MAP4K1: variants seen among roughly 807,000 people sequenced by gnomAD.
MAP4K1 encodes the protein MAPK/ERK kinase kinase kinase 1.
MAP4K1 carries 35 observed loss-of-function variants against 122.8 expected under a neutral mutation model. That is an observed-to-expected ratio of 0.29 (90% confidence interval 0.22 to 0.38). MAP4K1 has a LOEUF of 0.38. MAP4K1 is among the 10% of genes least tolerant of loss of function. The pLI is 1.00. For missense variants in MAP4K1, 791 were observed against 1,072.6 expected (o/e 0.74, Z 3.67); for synonymous variants, 412 against 421.3 (o/e 0.98, Z 0.27).
chr19:38,592,462 C>G (rs979660460), intron 30 of MAP4K1: 4 of 151,918 alleles, frequency 2.6e-5, no homozygotes, highest in African/African-American at 4.8e-5. Context: ...GTAAACCCAG[C>G]TACTTGGGAG....
intron 13 of MAP4K1, among the ~76,000 whole-genome samples, chr19:38,609,319 G>T (rs1215406262): frequency 6.6e-6 from 1 of 152,084 alleles, no homozygotes; most frequent in Admixed American, 6.6e-5. Flanking sequence ...ATTTTTAGCA[G>T]AGACAGGGTT....
intron 4 of MAP4K1, 54 bp downstream of exon 4, chr19:38,616,141 G>GT (rs1568644365): frequency 1.4e-6 from 2 of 1,445,230 alleles, no homozygotes; most frequent in Non-Finnish European, 1.9e-6. Flanking sequence ...TTGGGTCGGG[G>GT]TTGGGGGGTG....
intron 25 of MAP4K1, 152 bp downstream of exon 25, chr19:38,596,882 A>G: frequency 1.4e-6 from 1 of 715,564 alleles, no homozygotes; most frequent in Non-Finnish European, 2.4e-6. Context: ...ACGAGGCTCC[A>G]AGCGCAGACC....
At chr19:38,610,539 C>A (rs1214311679) in intron 11 of MAP4K1, among the ~76,000 whole-genome samples, 1 of 151,958 alleles carries the variant, frequency 6.6e-6, no homozygotes, top group African/African-American at 2.4e-5. Context: ...GCGTGCGCCA[C>A]TATGCTCAGC....
intron 30 of MAP4K1, 53 bp from the exon 31 acceptor site, chr19:38,587,870 T>G (rs1416313721): frequency 7.3e-7 from 1 of 1,367,566 alleles, no homozygotes; most frequent in Non-Finnish European, 1.0e-6. Context: ...TGTTCATTGA[T>G]TCATTAATTC....
In MAP4K1 at chr19:38,617,615, T is replaced by C; in HGVS notation, c.110A>G (p.Lys37Arg). ...CAGTGCCACCAGGTCCCCTGACACCTTGTCTCGAGCCTTGCAAAGGGGAAG... is the reference window on the plus strand; with the variant it reads ...CAGTGCCACCAGGTCCCCTGACACCCTGTCTCGAGCCTTGCAAAGGGGAAG... The part of the protein sequence containing the change: ...TYGEVFKARD[K>R]VSGDLVALKM... Residue 37 changes from lysine (K) to arginine (R), a missense_variant, in exon 2 of 31, where the codon AAG becomes AGG. Transcript: ENST00000396857. This position sits in a 1 kb window ranked among gnomAD's most constrained non-coding sequence, Gnocchi z 4.1. 1 of 1,614,090 alleles carries C rather than the reference T, an allele frequency of 6.2e-7. No homozygotes were observed. The highest frequency in any genetic ancestry group is 8.5e-7 in the Non-Finnish European group (1 of 1,180,002).
Position 38,596,000 on chromosome 19 carries a change from C to T in MAP4K1, c.2118G>A (p.Glu706=). The T allele has an allele frequency of 6.2e-7, 1 of 1,613,928 alleles. No individual in the cohort carries two copies. The highest frequency in any genetic ancestry group is 8.5e-7 in the Non-Finnish European group (1 of 1,179,938). The stretch of plus-strand genomic sequence containing the variant: ...GGGTCACCTGCACGGGTCCCCTGTG[C>T]TCTGTTTGGGGGGAGTGGGTTAAGG... ...LSCWLGEMST[E]HRGPVQVTQV... is the part of the protein sequence containing the mutation. Residue 706 remains glutamate, a splice_region_variant and synonymous_variant, in exon 27 of 31, where the codon GAG becomes GAA. Coordinates refer to ENST00000396857, the MANE Select transcript of MAP4K1 (RefSeq NM_001042600.3).
At position 38,614,282 on chromosome 19, in the gene MAP4K1, T is replaced by C. The variant is rs776260644; in HGVS notation, c.380A>G (p.Tyr127Cys). The C allele has an allele frequency of 6.2e-7, 1 of 1,613,730 alleles. No individual in the cohort carries two copies. Among genetic ancestry groups the C allele is most frequent in the Non-Finnish European group, 8.5e-7 (1 of 1,179,922 alleles). ...VCREVLQGLAYLHSQKKIHRD... is the reference protein window; with the variant it reads ...VCREVLQGLACLHSQKKIHRD... Reference sequence around the variant, plus strand: ...GTGTATCTTCTTCTGTGAGTGCAAATAGGCCAGTCCCTGGGGAGAAGGGTG... The same window carrying C: ...GTGTATCTTCTTCTGTGAGTGCAAACAGGCCAGTCCCTGGGGAGAAGGGTG... Residue 127 changes from tyrosine to cysteine, a missense_variant, in exon 6 of 31, where the codon TAT becomes TGT. This residue lies in a region of MAP4K1 where 163 missense variants were observed against 286.1 expected (regional missense o/e 0.57). Transcript: ENST00000396857.
chr19:38,599,012 CAAAAAAA>C (rs944497385), intron 22 of MAP4K1, among the ~76,000 whole-genome samples: 1 of 38,000 alleles, frequency 2.6e-5, no homozygotes, highest in Non-Finnish European at 5.0e-5. Context: ...GAGTCTATCT[CAAAAAAA>C]AAAAAAAAAA....
intron 11 of MAP4K1, among the ~76,000 whole-genome samples, chr19:38,610,240 CTG>C (rs1975455146): frequency 6.6e-6 from 1 of 152,098 alleles, no homozygotes. Context: ...GAGTCTCACT[CTG>C]TCACCCAGGC....
intron 13 of MAP4K1, among the ~76,000 whole-genome samples, chr19:38,608,601 G>C (rs1349186113): frequency 6.6e-6 from 1 of 151,854 alleles, no homozygotes; most frequent in African/African-American, 2.4e-5. Flanking sequence ...TTCATGATCA[G>C]CCTGGTCAAC....
chr19:38,612,860 C>T, intron 8 of MAP4K1, 118 bp from the exon 9 acceptor site: 1 of 1,091,778 alleles, frequency 9.2e-7, no homozygotes, highest in Non-Finnish European at 1.3e-6. Flanking sequence ...GATGGAGAGA[C>T]AGAGGGACAG....
chr19:38,605,869 C>G (rs1229723724), intron 17 of MAP4K1, 139 bp from the exon 18 acceptor site: 4 of 793,768 alleles, frequency 5.0e-6, no homozygotes, highest in Non-Finnish European at 7.9e-6. Context: ...TCTTGTGCCC[C>G]CTCCAGCCTT....
At chr19:38,590,437 A>ATATATATATATATATAT (rs1168613832) in intron 30 of MAP4K1, among the ~76,000 whole-genome samples, 6 of 120,502 alleles carry the variant, frequency 5.0e-5, no homozygotes, top group African/African-American at 9.3e-5. Flanking sequence ...ATATATATAT[A>ATATATATATATATATAT]ATCACGGGCG....
intron 30 of MAP4K1, among the ~76,000 whole-genome samples, chr19:38,588,087 T>C (rs1599681239): frequency 6.6e-6 from 1 of 152,004 alleles, no homozygotes; most frequent in Non-Finnish European, 1.5e-5. Flanking sequence ...GAATGGATGG[T>C]GCAGCCTGAA....
At chr19:38,604,075 A>G (rs1481248633) in intron 19 of MAP4K1, among the ~76,000 whole-genome samples, 3 of 146,082 alleles carry the variant, frequency 2.1e-5, no homozygotes, top group Non-Finnish European at 4.5e-5. Flanking sequence ...GCAGTGAGCC[A>G]TGATCGCGCC....
At position 38,597,254 on chromosome 19, in the gene MAP4K1, T is replaced by G; in HGVS notation, c.1837+72A>C. On this transcript the variant is annotated intron_variant, in intron 24 of 30. Coordinates refer to ENST00000396857, the MANE Select transcript of MAP4K1 (RefSeq NM_001042600.3). This position sits in a 1 kb window ranked among gnomAD's most constrained non-coding sequence, Gnocchi z 4.6. ...GCCTTAACTCTGTAACCTTCTCAGG[T>G]GGATGCAGTTCAAGCCCCTCCTCTG... The G allele has an allele frequency of 6.2e-7, 1 of 1,602,324 alleles. No homozygotes were observed. The highest frequency in any genetic ancestry group is 8.5e-7 in the Non-Finnish European group (1 of 1,170,112).
intron 19 of MAP4K1, among the ~76,000 whole-genome samples, chr19:38,603,562 C>T (rs1323298512): frequency 1.3e-5 from 2 of 151,980 alleles, no homozygotes; most frequent in African/African-American, 4.8e-5. Flanking sequence ...AGCCGGTAGC[C>T]AACCAGGCAC....
chr19:38,593,265 C>G lies in MAP4K1; in HGVS notation c.2396+17G>C, dbSNP rs771947389. On this transcript the variant is annotated intron_variant, in intron 30 of 30. Coordinates refer to ENST00000396857, the MANE Select transcript of MAP4K1 (RefSeq NM_001042600.3). Reference sequence around the variant, plus strand: ...AGCCCCCTCCCAGGTCCTTCTGCACCCCACCCCACAACATACCTGGGGGAG... The same window carrying G: ...AGCCCCCTCCCAGGTCCTTCTGCACGCCACCCCACAACATACCTGGGGGAG... 1.9e-6 allele frequency: 3 copies of G among 1,609,706 alleles called. No homozygotes were observed. The highest frequency in any genetic ancestry group is 2.5e-6 in the Non-Finnish European group (3 of 1,177,938).
Sources: allele counts gnomAD v4.1 joint callset (sites outside exome capture counted in the v4.1 genomes callset), GRCh38; gene constraint gnomAD v4.1.1; regional missense constraint gnomAD v4.1.1; non-coding constraint Gnocchi (gnomAD v3.1); transcripts MANE v1.5; gene names NCBI Gene and HGNC (gene_info 2026-07-23, HGNC 2026-07-21).